Variants in YPEL2 observed in about 807,000 individuals in gnomAD.
YPEL2 encodes the protein protein yippee-like 2.
In YPEL2, 2 loss-of-function variants were observed where a neutral mutation model predicts 19.1. The observed-to-expected ratio is 0.10, with a 90% CI of 0.04 to 0.33. The LOEUF (loss-of-function observed/expected upper bound fraction) is 0.33. Among genes scored for constraint, YPEL2 ranks in the 10% least tolerant of loss-of-function variants. The pLI is 1.00. For synonymous variants in YPEL2, 52 were observed against 50.0 expected, an observed-to-expected ratio of 1.04 and a Z score of -0.17; for missense variants, 66 against 140.7, an observed-to-expected ratio of 0.47 and a Z score of 2.68.
At chr17:59,378,184 C>T (rs1297616950) in intron 2 of YPEL2, among the ~76,000 whole-genome samples, 4 of 152,106 alleles carry the variant, frequency 2.6e-5, no homozygotes, top group Admixed American at 6.5e-5. Context: ...CTGTCCCATT[C>T]CCTAGGCCCA....
intron 2 of YPEL2, among the ~76,000 whole-genome samples, chr17:59,370,760 GC>G (rs371796820): frequency 6.6e-6 from 1 of 151,748 alleles, no homozygotes; most frequent in Non-Finnish European, 1.5e-5. Context: ...CAGAGGAGGG[GC>G]ACAGGTGGCC....
rs574144394 is a variant in YPEL2, at chr17:59,393,720, C to G, written c.271-3381C>G. ...ATTAGGGAGTGGTGATGACTCTTAA[C>G]GAGCATGCTGCCTTCAAGCATCTGT... On this transcript the variant is annotated intron_variant, in intron 4 of 4. Coordinates refer to ENST00000312655, the MANE Select transcript of YPEL2 (RefSeq NM_001005404.4). Among the ~76,000 whole-genome samples the G allele has an allele frequency of 2.2e-3, 323 of 148,246 alleles. 6 individuals carry two copies. Among genetic ancestry groups the G allele is most frequent in the South Asian group, 0.015 (68 of 4,570 alleles).
chr17:59,361,873 T>C (rs888679313), intron 2 of YPEL2, among the ~76,000 whole-genome samples: 1 of 152,200 alleles, frequency 6.6e-6, no homozygotes, highest in East Asian at 1.9e-4. Flanking sequence ...AGCAGAAGCC[T>C]CAAATGATGG....
chr17:59,390,222 G>A (rs914003919), intron 4 of YPEL2, among the ~76,000 whole-genome samples: 47 of 152,016 alleles, frequency 3.1e-4, no homozygotes, highest in African/African-American at 1.1e-3. Context: ...GGCTGGTCTC[G>A]AACTCCTGAC....
chr17:59,396,199 A>G (rs2048038572), intron 4 of YPEL2, among the ~76,000 whole-genome samples: 1 of 152,214 alleles, frequency 6.6e-6, no homozygotes. Flanking sequence ...CCAGTAAACC[A>G]AGATTTATAT....
intron 4 of YPEL2, among the ~76,000 whole-genome samples, chr17:59,394,752 G>T (rs1397031069): frequency 6.6e-6 from 1 of 152,224 alleles, no homozygotes; most frequent in South Asian, 2.1e-4. Context: ...GGGAGGTGGA[G>T]GTTGTAGCGA....
At chr17:59,395,901 A>C (rs1598056838) in intron 4 of YPEL2, among the ~76,000 whole-genome samples, 1 of 151,956 alleles carries the variant, frequency 6.6e-6, no homozygotes. Context: ...ACATGGTGAA[A>C]CCCCGTCTCT....
At chr17:59,336,765 G>C (rs2047700494) in intron 1 of YPEL2, among the ~76,000 whole-genome samples, 1 of 152,094 alleles carries the variant, frequency 6.6e-6, no homozygotes, top group Admixed American at 6.5e-5. Flanking sequence ...ACAGTGTGTG[G>C]TGGGGTCAGA....
intron 1 of YPEL2, among the ~76,000 whole-genome samples, chr17:59,349,638 G>A (rs1221346037): frequency 1.3e-5 from 2 of 151,034 alleles, no homozygotes; most frequent in African/African-American, 2.4e-5. Context: ...CACCTTCCCC[G>A]GCCCCCACAG....
chr17:59,340,311 G>A (rs970515332), intron 1 of YPEL2, among the ~76,000 whole-genome samples: 2 of 151,986 alleles, frequency 1.3e-5, no homozygotes, highest in South Asian at 2.1e-4. Context: ...GTTTCACTAC[G>A]TTGGCCAGGC....
At chr17:59,380,277 T>G (rs71372888) in intron 2 of YPEL2, among the ~76,000 whole-genome samples, 1 of 142,074 alleles carries the variant, frequency 7.0e-6, no homozygotes, top group Non-Finnish European at 1.5e-5. Flanking sequence ...AACTTCTTTT[T>G]TTTTTTTTTT....
At chr17:59,372,861 A>G (rs1283273839) in intron 2 of YPEL2, among the ~76,000 whole-genome samples, 5 of 152,230 alleles carry the variant, frequency 3.3e-5, no homozygotes, top group Non-Finnish European at 7.3e-5. Flanking sequence ...AACATGGGAC[A>G]TACAGTGTAG....
intron 2 of YPEL2, among the ~76,000 whole-genome samples, chr17:59,388,072 G>C (rs755594221): frequency 5.3e-4 from 81 of 152,200 alleles, no homozygotes; most frequent in Admixed American, 9.2e-4. Context: ...ATGACATAGT[G>C]GTTTTGGGTT....
At chr17:59,395,974 G>A (rs934045010) in intron 4 of YPEL2, among the ~76,000 whole-genome samples, 11 of 152,198 alleles carry the variant, frequency 7.2e-5, no homozygotes, top group Non-Finnish European at 1.3e-4. Flanking sequence ...CCAGCTACTC[G>A]GGAGGCTGAG....
chr17:59,377,078 G>A (rs1014788522), intron 2 of YPEL2, among the ~76,000 whole-genome samples: 3 of 151,830 alleles, frequency 2.0e-5, no homozygotes, highest in Admixed American at 2.0e-4. Context: ...TGCCTAGATT[G>A]GTTACAAAGG....
chr17:59,388,291 G>A (rs762257307), intron 2 of YPEL2, 36 bp from the exon 3 acceptor site: 6 of 1,611,518 alleles, frequency 3.7e-6, no homozygotes, highest in Admixed American at 3.3e-5. Flanking sequence ...AGGTGAAATG[G>A]ATGTCTAACT....
At position 59,400,824 on chromosome 17, in the gene YPEL2, C is replaced by T. The variant is rs565124255; in HGVS notation, c.*3634C>T. The T allele has an allele frequency of 6.6e-6, 1 of 152,636 alleles. No individual in the cohort carries two copies. The highest frequency in any genetic ancestry group is 2.1e-4 in the South Asian group (1 of 4,812). 9.5% of individuals were successfully genotyped at this position (152,636 alleles called of 1,614,324 possible). Reference sequence around the variant, plus strand: ...GGGACACTTTAACTACAGTTTACACCTCGGGCGCATAAAGTTTTTCTTCTC... The same window carrying T: ...GGGACACTTTAACTACAGTTTACACTTCGGGCGCATAAAGTTTTTCTTCTC... On this transcript the variant is annotated 3_prime_UTR_variant, in exon 5 of 5. Coordinates refer to ENST00000312655, the MANE Select transcript of YPEL2 (RefSeq NM_001005404.4).
chr17:59,357,255 C>G (rs1168123256), intron 2 of YPEL2, among the ~76,000 whole-genome samples: 1 of 152,194 alleles, frequency 6.6e-6, no homozygotes, highest in Admixed American at 6.5e-5. Context: ...TTATTCCTGC[C>G]TGACACCAAC....
chr17:59,340,103 G>A (rs2047720280), intron 1 of YPEL2, among the ~76,000 whole-genome samples: 1 of 151,124 alleles, frequency 6.6e-6, no homozygotes. Context: ...AACTAATTTT[G>A]TGGAACTTTT....
Sources: gnomAD v4.1 joint callset for allele counts (sites outside exome capture counted in the v4.1 genomes callset) on GRCh38, gnomAD v4.1.1 for gene constraint, MANE v1.5 for transcripts, NCBI Gene and HGNC (gene_info 2026-07-23, HGNC 2026-07-21) for gene names.